Variants in SETD5 observed in about 807,000 individuals in gnomAD.
The protein encoded by SETD5 is SET domain containing 5, also known as histone-lysine N-methyltransferase SETD5.
Under a neutral mutation model 153.3 loss-of-function variants are expected in SETD5, and 44 were observed. The observed-to-expected ratio is 0.29, with a 90% CI of 0.23 to 0.37. The LOEUF (loss-of-function observed/expected upper bound fraction) is 0.37. Among genes scored for constraint, SETD5 ranks in the 10% least tolerant of loss-of-function variants. The probability of loss-of-function intolerance (pLI) is 1.00; values close to 1 mark genes in which losing one functional copy is unlikely to be tolerated. For synonymous variants in SETD5, 716 were observed against 645.2 expected (o/e 1.11, Z -1.66); for missense variants, 1,544 against 1,768.0 (o/e 0.87, Z 2.27).
intron 19 of SETD5, 40 bp from the exon 20 acceptor site, chr3:9,473,196 T>TA: frequency 6.3e-7 from 1 of 1,589,286 alleles, no homozygotes; most frequent in South Asian, 1.1e-5. Context: ...GATATCCAGA[T>TA]AGAGTACCGT....
chr3:9,458,928 C>T (rs2043585806), intron 17 of SETD5, among the ~76,000 whole-genome samples: 2 of 152,172 alleles, frequency 1.3e-5, no homozygotes, highest in Non-Finnish European at 2.9e-5. Context: ...TAACTAGACT[C>T]AGACACATCT....
chr3:9,474,850 G>A, intron 21 of SETD5: 2 of 618,990 alleles, frequency 3.2e-6, no homozygotes, highest in Non-Finnish European at 5.6e-6. Context: ...CCTCGATGAA[G>A]GATGAAGAGA....
At chr3:9,431,073 T>C in intron 3 of SETD5, 1 of 985,454 alleles carries the variant, frequency 1.0e-6, no homozygotes, top group Non-Finnish European at 1.2e-6. Context: ...AGATTAAACC[T>C]GGTATTAAGT....
chr3:9,414,979 C>G (rs945333797), intron 1 of SETD5, among the ~76,000 whole-genome samples: 1 of 152,048 alleles, frequency 6.6e-6, no homozygotes, highest in African/African-American at 2.4e-5. Context: ...TTATGGAAAT[C>G]TGAGATAGTC....
chr3:9,415,881 T>C (rs2037344892), intron 1 of SETD5, among the ~76,000 whole-genome samples: 1 of 151,662 alleles, frequency 6.6e-6, no homozygotes, highest in African/African-American at 2.4e-5. Context: ...GTTGAACTTT[T>C]TTTTTTTTTT....
intron 2 of SETD5, among the ~76,000 whole-genome samples, chr3:9,425,814 A>G (rs2039102886): frequency 6.6e-6 from 1 of 152,190 alleles, no homozygotes; most frequent in Non-Finnish European, 1.5e-5. Flanking sequence ...TACAGTCGTA[A>G]TGGCTACAAC....
At chr3:9,433,232 A>C (rs756650589) in intron 3 of SETD5, 5 of 450,240 alleles carry the variant, frequency 1.1e-5, no homozygotes, top group Non-Finnish European at 1.5e-5. Flanking sequence ...CTGATAAATA[A>C]TTTTGTCCTT....
intron 15 of SETD5, 80 bp downstream of exon 15, chr3:9,448,086 A>G (rs2042224623): frequency 3.6e-6 from 5 of 1,383,540 alleles, no homozygotes; most frequent in Non-Finnish European, 4.9e-6. Flanking sequence ...TAATCCCTAG[A>G]AGAAACTAAT....
In SETD5 at chr3:9,434,225, G is replaced by T; in HGVS notation, c.178-109G>T. The T allele has an allele frequency of 6.4e-7, 1 of 1,551,432 alleles. No individual in the cohort carries two copies. On this transcript the variant is annotated intron_variant, in intron 4 of 22. Coordinates refer to ENST00000402198, the MANE Select transcript of SETD5 (RefSeq NM_001080517.3). This position sits in a 1 kb window ranked among gnomAD's most constrained non-coding sequence, Gnocchi z 5.6. ...TTTCCATATGTACCATACTTTAGGG[G>T]AGAGAGGGGCCAGTGTTTGGACACT... is the stretch of plus-strand genomic sequence containing the variant.
chr3:9,469,825 A>G (rs2045085616), intron 18 of SETD5, among the ~76,000 whole-genome samples: 1 of 152,240 alleles, frequency 6.6e-6, no homozygotes, highest in Admixed American at 6.5e-5. Context: ...GACGTACATT[A>G]GAGGATAAAG....
At chr3:9,429,812 C>A in intron 3 of SETD5, 1 of 1,301,904 alleles carries the variant, frequency 7.7e-7, no homozygotes, top group Non-Finnish European at 1.0e-6. Flanking sequence ...TGTACCCAAT[C>A]TTCCTTGCTT....
At chr3:9,437,967 C>CACTCCAGCCTGGGCAACAGAGCAAG (rs2040787852) in intron 7 of SETD5, among the ~76,000 whole-genome samples, 1 of 150,874 alleles carries the variant, frequency 6.6e-6, no homozygotes, top group Non-Finnish European at 1.5e-5. Context: ...CACGCCACTG[C>CACTCCAGCCTGGGCAACAGAGCAAG]ACTCCAGCCT....
At chr3:9,473,653 C>T (rs576885235) in intron 20 of SETD5, 116 bp downstream of exon 20, 3 of 1,063,498 alleles carry the variant, frequency 2.8e-6, no homozygotes, top group African/African-American at 3.2e-5. Flanking sequence ...ACATCTGAGA[C>T]AGCCAGCCAA....
intron 1 of SETD5, among the ~76,000 whole-genome samples, chr3:9,402,827 T>A (rs2035021696): frequency 6.6e-6 from 1 of 152,226 alleles, no homozygotes; most frequent in Non-Finnish European, 1.5e-5. Flanking sequence ...GGGAAAATGC[T>A]GAATTTCTTG....
At chr3:9,423,772 T>G (rs1253121513) in intron 1 of SETD5, among the ~76,000 whole-genome samples, 2 of 152,222 alleles carry the variant, frequency 1.3e-5, no homozygotes, top group African/African-American at 4.8e-5. Context: ...TATGATATGT[T>G]AATCTTTAAG....
Position 9,453,839 on chromosome 3 carries a change from G to A in SETD5, c.2447G>A (p.Ser816Asn). 6.3e-7 allele frequency: 1 copy of A among 1,596,902 alleles called. No individual in the cohort carries two copies. The highest frequency in any genetic ancestry group is 8.5e-7 in the Non-Finnish European group (1 of 1,174,936). The change falls in exon 17 of 23, where the codon AGC (serine) becomes AAC (asparagine). Residue 816 changes from serine (S) to asparagine (N), a missense_variant. By Grantham distance (46) the Ser-to-Asn change is conservative (BLOSUM62 1). Around this residue, in one of 9 missense-constraint regions of SETD5, gnomAD observed 782 missense variants for 787.2 expected, o/e 0.99. Coordinates refer to ENST00000402198, the MANE Select transcript of SETD5 (RefSeq NM_001080517.3). ...CTATACCAAAGCAATGAGAATAGTA[G>A]CTCTTCTAGTATCTGCAAAGACAAT... is the stretch of plus-strand genomic sequence containing the variant. ...QHLYQSNENS[S>N]SSSICKDNAD... is the part of the protein sequence containing the mutation.
chr3:9,423,727 G>A (rs561433916), intron 1 of SETD5, among the ~76,000 whole-genome samples: 6 of 152,172 alleles, frequency 3.9e-5, no homozygotes, highest in African/African-American at 1.4e-4. Flanking sequence ...CTAATGCTTG[G>A]TAACTGGAAT....
At position 9,476,852 on chromosome 3, in the gene SETD5, C is replaced by A. The variant is rs923068669; in HGVS notation, c.*761C>A. On this transcript the variant is annotated 3_prime_UTR_variant, in exon 23 of 23. Coordinates refer to ENST00000402198, the MANE Select transcript of SETD5 (RefSeq NM_001080517.3). ...CCAAGCTATTTCACAGCTCAGTAACCCATGAAGTAAGTAGACAAGAAAAGG... is the reference window on the plus strand; with the variant it reads ...CCAAGCTATTTCACAGCTCAGTAACACATGAAGTAAGTAGACAAGAAAAGG... 1 of 152,702 alleles carries A rather than the reference C, an allele frequency of 6.5e-6. No homozygotes were observed. 9.5% of individuals were successfully genotyped at this position (152,702 alleles called of 1,614,324 possible).
Position 9,464,574 on chromosome 3 carries a change from C to T in SETD5, c.2626C>T (p.Pro876Ser). ...PQLATPGSSH[P>S]GEEECRNGYS... ...GCTGGCCACACCTGGCTCATCTCAC[C>T]CAGGAGAAGAGGAGTGTCGAAATGG... The change falls in exon 18 of 23, where the codon CCA (proline) becomes TCA (serine). Residue 876 changes from proline (P) to serine (S), a missense_variant. Pro to Ser is a moderately conservative substitution (Grantham distance 74). Coordinates refer to ENST00000402198, the MANE Select transcript of SETD5 (RefSeq NM_001080517.3). The T allele has an allele frequency of 6.2e-7, 1 of 1,613,964 alleles. No homozygotes were observed. The highest frequency in any genetic ancestry group is 8.5e-7 in the Non-Finnish European group (1 of 1,179,892).
Sources: allele counts gnomAD v4.1 joint callset (sites outside exome capture counted in the v4.1 genomes callset), GRCh38; gene constraint gnomAD v4.1.1; regional missense constraint gnomAD v4.1.1; non-coding constraint Gnocchi (gnomAD v3.1); transcripts MANE v1.5; gene names NCBI Gene and HGNC (gene_info 2026-07-23, HGNC 2026-07-21).